The following DACH1 variants were observed in gnomAD, a reference collection of about 807,000 sequenced individuals.
The protein encoded by DACH1 is dachshund family transcription factor 1, also known as dachshund homolog 1.
A neutral mutation model predicts 54.2 loss-of-function variants in DACH1; 12 were observed. That is an observed-to-expected ratio of 0.22 (90% CI 0.14 to 0.36). The LOEUF is 0.36. DACH1 is among the 10% of genes least tolerant of loss of function. The pLI, the probability that DACH1 is intolerant of heterozygous loss-of-function variation, is 1.00. For synonymous variants in DACH1, 386 were observed against 366.2 expected (o/e 1.05, Z -0.62); for missense variants, 805 against 929.8 (o/e 0.87, Z 1.75).
intron 6 of DACH1, among the ~76,000 whole-genome samples, chr13:71,546,878 T>A (rs913244441): frequency 1.3e-5 from 2 of 152,112 alleles, no homozygotes; most frequent in Admixed American, 1.3e-4. Flanking sequence ...ATATCATTAA[T>A]TTCATTCCTT....
intron 3 of DACH1, among the ~76,000 whole-genome samples, chr13:71,617,103 A>G (rs1038972031): frequency 2.6e-5 from 4 of 152,066 alleles, no homozygotes; most frequent in African/African-American, 4.8e-5. Flanking sequence ...TCCAGACCTC[A>G]GGTGATCTAC....
At position 71,519,465 on chromosome 13, in the gene DACH1, A is replaced by G. The variant is rs181946962; in HGVS notation, c.1571-30317T>C. 5.3e-4 allele frequency among the ~76,000 whole-genome samples: 80 copies of G among 151,668 alleles called. 1 individual carries two copies. Among genetic ancestry groups the G allele is most frequent in the Admixed American group, 2.2e-3 (33 of 15,170 alleles). ...TCTACATTATTAAATTGTTCTTAGA[A>G]CTTCTCCATTAGGCAGGTTTCCTAC... On this transcript the variant is annotated intron_variant, in intron 6 of 10. Coordinates refer to ENST00000613252, the MANE Select transcript of DACH1 (RefSeq NM_080759.6).
At chr13:71,735,815 CTGTTT>C (rs1376359631) in intron 1 of DACH1, among the ~76,000 whole-genome samples, 2 of 151,740 alleles carry the variant, frequency 1.3e-5, no homozygotes, top group African/African-American at 4.8e-5. Flanking sequence ...AAAATTTTAC[CTGTTT>C]TATTATAATT....
At chr13:71,648,704 C>T (rs1340609026) in intron 2 of DACH1, among the ~76,000 whole-genome samples, 1 of 152,070 alleles carries the variant, frequency 6.6e-6, no homozygotes, top group Non-Finnish European at 1.5e-5. Flanking sequence ...AACTATTTTG[C>T]AGCATTAAAA....
chr13:71,458,878 A>G (rs548235396), intron 10 of DACH1, among the ~76,000 whole-genome samples: 2 of 152,032 alleles, frequency 1.3e-5, no homozygotes, highest in South Asian at 4.1e-4. Flanking sequence ...GTATTTTATT[A>G]GAAGTATTTG....
chr13:71,449,186 C>T (rs747652934), intron 10 of DACH1, among the ~76,000 whole-genome samples: 12 of 151,882 alleles, frequency 7.9e-5, no homozygotes, highest in Non-Finnish European at 1.3e-4. Flanking sequence ...ATTAGCGGGG[C>T]GTGGTGGCAC....
intron 1 of DACH1, among the ~76,000 whole-genome samples, chr13:71,768,667 C>G (rs1326825611): frequency 6.6e-6 from 1 of 151,838 alleles, no homozygotes; most frequent in Non-Finnish European, 1.5e-5. Context: ...AATAAGGCAG[C>G]TCAAATAAAT....
At chr13:71,454,773 C>T (rs918451742) in intron 10 of DACH1, among the ~76,000 whole-genome samples, 3 of 152,188 alleles carry the variant, frequency 2.0e-5, no homozygotes, top group African/African-American at 2.4e-5. Context: ...CAACACCTTC[C>T]TGTAGCCTGG....
intron 1 of DACH1, among the ~76,000 whole-genome samples, chr13:71,755,269 A>G (rs1464361376): frequency 1.3e-5 from 2 of 152,216 alleles, no homozygotes; most frequent in African/African-American, 2.4e-5. Flanking sequence ...GGAAAAAAAG[A>G]TATTTTGGAT....
intron 3 of DACH1, among the ~76,000 whole-genome samples, chr13:71,604,142 T>C (rs559125057): frequency 6.6e-6 from 1 of 152,086 alleles, no homozygotes; most frequent in South Asian, 2.1e-4. Context: ...TAAAATGCAA[T>C]ATAAAAATCA....
chr13:71,866,131 C>T lies in DACH1; in HGVS notation c.639G>A (p.Gln213=). 1 of 1,613,500 alleles carries T rather than the reference C, an allele frequency of 6.2e-7. No individual in the cohort carries two copies. Among genetic ancestry groups the T allele is most frequent in the African/African-American group, 1.3e-5 (1 of 74,932 alleles). The change falls in exon 1 of 11, where the codon CAG becomes CAA. Residue 213 remains glutamine (Q), a synonymous_variant. Transcript: ENST00000613252. The part of the protein sequence containing the change: ...VEGCELICLP[Q]AFDLFLKHLV... ...AGTGCTTCAGGAACAGGTCGAAAGCCTGGGGCAGGCAGATCAGCTCGCAGC... is the reference window on the plus strand; with the variant it reads ...AGTGCTTCAGGAACAGGTCGAAAGCTTGGGGCAGGCAGATCAGCTCGCAGC...
At chr13:71,596,170 A>T (rs985524292) in intron 3 of DACH1, among the ~76,000 whole-genome samples, 7 of 152,108 alleles carry the variant, frequency 4.6e-5, no homozygotes, top group Non-Finnish European at 1.0e-4. Flanking sequence ...AACTTATTTC[A>T]TACTTCATTT....
intron 3 of DACH1, among the ~76,000 whole-genome samples, chr13:71,628,124 G>C (rs942634918): frequency 5.9e-5 from 9 of 151,950 alleles, no homozygotes; most frequent in Non-Finnish European, 1.0e-4. Flanking sequence ...AAGTCACAGA[G>C]CAAGTCATTA....
intron 3 of DACH1, among the ~76,000 whole-genome samples, chr13:71,584,245 C>T (rs1024737704): frequency 1.3e-5 from 2 of 152,140 alleles, no homozygotes; most frequent in Non-Finnish European, 1.5e-5. Flanking sequence ...TTTTTCAAAA[C>T]GAATTAAATA....
intron 3 of DACH1, among the ~76,000 whole-genome samples, chr13:71,619,335 C>G (rs1027828834): frequency 8.6e-5 from 13 of 151,832 alleles, no homozygotes; most frequent in African/African-American, 3.1e-4. Context: ...ATCACAGTTT[C>G]AAAGGTCACT....
Position 71,810,391 on chromosome 13 carries a change from T to A in DACH1, c.848+55531A>T, listed in dbSNP as rs61956388. ...TTTTGTCATATGGAACTACAATTTG[T>A]AAACTTTAACAGGAAGAATGTAACT... On this transcript the variant is annotated intron_variant, in intron 1 of 10. Transcript: ENST00000613252. 6.9e-3 allele frequency among the ~76,000 whole-genome samples: 1,048 copies of A among 152,288 alleles called. 6 individuals carry two copies. The highest frequency in any genetic ancestry group is 0.011 in the Non-Finnish European group (768 of 68,004).
At position 71,866,355 on chromosome 13, in the gene DACH1, C is replaced by G. The variant is rs1183148510; in HGVS notation, c.415G>C (p.Gly139Arg). 6.6e-7 allele frequency: 1 copy of G among 1,520,522 alleles called. No homozygotes were observed. Among genetic ancestry groups the G allele is most frequent in the Non-Finnish European group, 8.8e-7 (1 of 1,131,600 alleles). The allele number at this position is 1,520,522 out of a possible 1,614,324, so 94.2% of individuals were successfully genotyped here. ...CTGCTACTGCTGCTGCTGCTGCTGC[C>G]GGTGCTGGCGTTGATGGGGGTGCTG... ...ASSTPINAST[G>R]SSSSSSSSSS... Residue 139 changes from glycine (G) to arginine (R), a missense_variant, in exon 1 of 11, where the codon GGC becomes CGC. Physicochemically the swap from Gly to Arg is moderately radical, Grantham distance 125 (BLOSUM62 -2). Coordinates refer to ENST00000613252, the MANE Select transcript of DACH1 (RefSeq NM_080759.6).
intron 7 of DACH1, among the ~76,000 whole-genome samples, chr13:71,481,046 GAACA>G (rs1027997983): frequency 5.6e-4 from 85 of 152,152 alleles, no homozygotes; most frequent in Admixed American, 2.4e-3. Context: ...TCTTCGTCAG[GAACA>G]AACAATTAGT....
At position 71,439,014 on chromosome 13, in the gene DACH1, A is replaced by G. The variant is rs1476393145; in HGVS notation, c.*1641T>C. The G allele has an allele frequency of 6.6e-6, 1 of 152,476 alleles. No individual in the cohort carries two copies. The highest frequency in any genetic ancestry group is 2.4e-5 in the African/African-American group (1 of 41,450). The allele number at this position is 152,476 out of a possible 1,614,324, so 9.4% of individuals were successfully genotyped here. A position where few individuals can be genotyped will look rare whatever the true frequency, so the allele number is the denominator to read the frequency against. On this transcript the variant is annotated 3_prime_UTR_variant, in exon 11 of 11. Transcript: ENST00000613252. ...AGAATTATGTTCCAGTATTGCAAGG[A>G]AGACCTAAAAGGTATAGAAGCGTAA...
Sources: allele counts gnomAD v4.1 joint callset (sites outside exome capture counted in the v4.1 genomes callset), GRCh38; gene constraint gnomAD v4.1.1; transcripts MANE v1.5; gene names NCBI Gene and HGNC (gene_info 2026-07-23, HGNC 2026-07-21).